Variants in MTMR12 observed in about 807,000 individuals in gnomAD.
MTMR12 encodes myotubularin-related protein 12.
MTMR12 carries 33 observed loss-of-function variants against 96.7 expected under a neutral mutation model. The ratio of observed to expected loss-of-function variants is 0.34; its 90% CI spans 0.26 to 0.46. MTMR12 has a LOEUF of 0.46. MTMR12 is among the 20% of genes least tolerant of loss of function. The probability of loss-of-function intolerance (pLI) is 1.00; values close to 1 mark genes in which losing one functional copy is unlikely to be tolerated. For synonymous variants in MTMR12, 298 were observed against 327.2 expected, an observed-to-expected ratio of 0.91 and a Z score of 0.96; for missense variants, 721 against 896.1, an observed-to-expected ratio of 0.80 and a Z score of 2.49.
At chr5:32,245,829 G>GA (rs768742866) in intron 10 of MTMR12, among the ~76,000 whole-genome samples, 122 of 148,224 alleles carry the variant, frequency 8.2e-4, no homozygotes, top group Middle Eastern at 3.4e-3. Context: ...ATTTGTCTCA[G>GA]AAAAAAAAAA....
At chr5:32,252,173 A>G (rs190721884) in intron 8 of MTMR12, among the ~76,000 whole-genome samples, 3 of 152,208 alleles carry the variant, frequency 2.0e-5, no homozygotes, top group South Asian at 2.1e-4. Flanking sequence ...CGGCAAGGAC[A>G]TGAATAAACT....
chr5:32,305,986 G>C (rs1055458354), intron 1 of MTMR12, among the ~76,000 whole-genome samples: 1 of 151,870 alleles, frequency 6.6e-6, no homozygotes, highest in African/African-American at 2.4e-5. Flanking sequence ...AAAAACACCA[G>C]CTCTAGAGAT....
chr5:32,239,957 T>C (rs1032634905), intron 12 of MTMR12, among the ~76,000 whole-genome samples: 4 of 152,206 alleles, frequency 2.6e-5, no homozygotes, highest in Non-Finnish European at 5.9e-5. Flanking sequence ...TCTTTATCCG[T>C]GCATTTGTCT....
intron 10 of MTMR12, among the ~76,000 whole-genome samples, chr5:32,245,830 A>C (rs370397507): frequency 2.7e-5 from 4 of 145,532 alleles, no homozygotes; most frequent in African/African-American, 9.9e-5. Context: ...TTTGTCTCAG[A>C]AAAAAAAAAA....
At position 32,303,418 on chromosome 5, in the gene MTMR12, C is replaced by T. The variant is rs950746466; in HGVS notation, c.81+9340G>A. On this transcript the variant is annotated intron_variant, in intron 1 of 15. Transcript: ENST00000382142. ...TCTCTCCCAGCACTGTACTCCCCCC[C>T]AGAATCCCTCTCTATTTCCACCTCC... is the stretch of plus-strand genomic sequence containing the variant. 5.3e-5 allele frequency among the ~76,000 whole-genome samples: 8 copies of T among 152,290 alleles called. No homozygotes were observed. In the East Asian group the frequency reaches 1.2e-3, roughly 22 times the overall value.
intron 1 of MTMR12, among the ~76,000 whole-genome samples, chr5:32,284,027 C>T (rs545185362): frequency 1.3e-5 from 2 of 152,044 alleles, no homozygotes; most frequent in Admixed American, 1.3e-4. Flanking sequence ...CTTGGCCAGG[C>T]GCGGTGGCTT....
intron 11 of MTMR12, 78 bp from the exon 12 acceptor site, chr5:32,242,205 G>T: frequency 2.1e-6 from 2 of 964,332 alleles, no homozygotes; most frequent in Non-Finnish European, 3.1e-6. Flanking sequence ...TTGAGAGAGA[G>T]TCTGACTTGA....
chr5:32,290,919 C>G (rs1467536117), intron 1 of MTMR12, among the ~76,000 whole-genome samples: 1 of 152,218 alleles, frequency 6.6e-6, no homozygotes. Flanking sequence ...GGTCAAGTCA[C>G]CATGCGACCT....
rs143802434 is a variant in MTMR12 at position 32,235,099 on chromosome 5, C to T, written c.1375G>A (p.Val459Ile). The T allele has an allele frequency of 5.9e-5, 95 of 1,613,784 alleles. No homozygotes were observed. The African/African-American group carries it at 9.9e-4, about 17-fold the overall frequency. Residue 459 changes from valine (V) to isoleucine (I), a missense_variant, in exon 14 of 16, where the codon GTC becomes ATC. Physicochemically the swap from Val to Ile is conservative, Grantham distance 29 (BLOSUM62 3). Coordinates refer to ENST00000382142, the MANE Select transcript of MTMR12 (RefSeq NM_001040446.3). ...VPVFLLFLDC[V>I]WQLVHQHPPA... Reference sequence around the variant, plus strand: ...GGATGCTGGTGCACCAGCTGCCAGACACAATCTAGGAAAAGCAGGAACACA... The same window carrying T: ...GGATGCTGGTGCACCAGCTGCCAGATACAATCTAGGAAAAGCAGGAACACA...
intron 13 of MTMR12, 29 bp downstream of exon 13, chr5:32,238,972 C>T (rs182688210): frequency 1.1e-5 from 17 of 1,540,242 alleles, no homozygotes; most frequent in African/African-American, 5.4e-5. Context: ...CTCCCTATGA[C>T]GGAAACAGTC....
chr5:32,263,455 G>A (rs1249536383), intron 6 of MTMR12, among the ~76,000 whole-genome samples: 1 of 148,610 alleles, frequency 6.7e-6, no homozygotes, highest in Non-Finnish European at 1.5e-5. Flanking sequence ...TTTTGAGATG[G>A]AGTCTTGCTC....
intron 2 of MTMR12, among the ~76,000 whole-genome samples, chr5:32,275,871 C>A (rs1750031449): frequency 6.6e-6 from 1 of 152,052 alleles, no homozygotes; most frequent in South Asian, 2.1e-4. Flanking sequence ...ATTCTTTTAC[C>A]AAATAACGTG....
chr5:32,263,018 T>A (rs1451445050), intron 7 of MTMR12, 95 bp downstream of exon 7: 41 of 1,432,738 alleles, frequency 2.9e-5, no homozygotes, highest in Non-Finnish European at 3.6e-5. Flanking sequence ...AAATTGACTG[T>A]GGTGATGACT....
At position 32,312,792 on chromosome 5, in the gene MTMR12, G is replaced by A. The variant is rs1458669196; in HGVS notation, c.47C>T (p.Pro16Leu). 2 of 1,534,706 alleles carry A rather than the reference G, an allele frequency of 1.3e-6. No homozygotes were observed. The highest frequency in any genetic ancestry group is 1.7e-6 in the Non-Finnish European group (2 of 1,144,038). Reference protein sequence around the residue: ...VVGGGGGTKAPKPSFVSYVRP... With the variant: ...VVGGGGGTKALKPSFVSYVRP... ...TACGTACGACACGAAGGAGGGCTTG[G>A]GGGCCTTGGTGCCGCCGCCACCGCC... Residue 16 changes from proline to leucine, a missense_variant, in exon 1 of 16, where the codon CCC becomes CTC. Physicochemically the swap from Pro to Leu is moderately conservative, Grantham distance 98. Coordinates refer to ENST00000382142, the MANE Select transcript of MTMR12 (RefSeq NM_001040446.3). This position sits in a 1 kb window ranked among gnomAD's most constrained non-coding sequence, Gnocchi z 5.0.
chr5:32,264,577 C>T (rs910092302), intron 6 of MTMR12, among the ~76,000 whole-genome samples: 5 of 151,978 alleles, frequency 3.3e-5, no homozygotes, highest in Non-Finnish European at 4.4e-5. Flanking sequence ...TCTCCTGCCT[C>T]GGCCTCCTGA....
intron 8 of MTMR12, among the ~76,000 whole-genome samples, chr5:32,253,753 C>A (rs1749037319): frequency 6.6e-6 from 1 of 152,228 alleles, no homozygotes; most frequent in Non-Finnish European, 1.5e-5. Context: ...GCCAGAGTAG[C>A]TGGGACTATG....
chr5:32,233,211 C>CTT lies in MTMR12; in HGVS notation c.1674+560_1674+561dup, dbSNP rs767162675. On this transcript the variant is annotated intron_variant, in intron 15 of 15. Coordinates refer to ENST00000382142, the MANE Select transcript of MTMR12 (RefSeq NM_001040446.3). This position sits in a 1 kb window ranked among gnomAD's most constrained non-coding sequence, Gnocchi z 5.0. ...CCTACTTGTTCACCTACTAAGGCTC[C>CTT]TTTTTTTTTTTTCAAGTAAAGGAAT... Among the ~76,000 whole-genome samples the CTT allele has an allele frequency of 1.1e-3, 155 of 145,198 alleles. No individual in the cohort carries two copies. Among genetic ancestry groups the CTT allele is most frequent in the Admixed American group, 2.9e-3 (42 of 14,534 alleles).
chr5:32,282,535 T>C (rs541282971), intron 1 of MTMR12, among the ~76,000 whole-genome samples: 5 of 152,116 alleles, frequency 3.3e-5, no homozygotes, highest in Admixed American at 2.0e-4. Context: ...ATTATAAATA[T>C]ACACTATGCA....
At chr5:32,242,395 C>T (rs1748512604) in intron 11 of MTMR12, among the ~76,000 whole-genome samples, 1 of 152,106 alleles carries the variant, frequency 6.6e-6, no homozygotes, top group South Asian at 2.1e-4. Flanking sequence ...CTAAACTAGA[C>T]ATTCTTATTA....
Sources: gnomAD v4.1 joint callset for allele counts (sites outside exome capture counted in the v4.1 genomes callset) on GRCh38, gnomAD v4.1.1 for gene constraint, Gnocchi (gnomAD v3.1) non-coding constraint, MANE v1.5 for transcripts, NCBI Gene and HGNC (gene_info 2026-07-23, HGNC 2026-07-21) for gene names.